The following LLGL1 variants were observed in gnomAD, a reference collection of about 807,000 sequenced individuals.
The protein encoded by LLGL1 is LLGL scribble cell polarity complex component 1.
Under a neutral mutation model 110.6 loss-of-function variants are expected in LLGL1, and 58 were observed. That is an observed-to-expected ratio of 0.52 (90% CI 0.42 to 0.65). LLGL1 has a LOEUF of 0.65. Ranked by LOEUF, LLGL1 falls within the 30% of genes least tolerant of loss-of-function variation. LLGL1 has a pLI of 0.00. For synonymous variants in LLGL1, 674 were observed against 607.2 expected (o/e 1.11, Z -1.62); for missense variants, 1,229 against 1,462.1 (o/e 0.84, Z 2.60).
chr17:18,241,170 G>A, intron 17 of LLGL1: 1 of 592,212 alleles, frequency 1.7e-6, no homozygotes, highest in East Asian at 2.8e-5. Context: ...CAGGGGCTCT[G>A]CCTCGAAAGA....
At position 18,240,454 on chromosome 17, in the gene LLGL1, A is replaced by T; in HGVS notation, c.2207-124A>T. ...CAGGAGGGAATCAGCCCTGAGTCCC[A>T]GGGTGTCATAGTTAGGAAGCAGGGC... On this transcript the variant is annotated intron_variant, in intron 16 of 22. Transcript: ENST00000316843. This position sits in a 1 kb window ranked among gnomAD's most constrained non-coding sequence, Gnocchi z 5.3. 8.4e-7 allele frequency: 1 copy of T among 1,191,574 alleles called. No homozygotes were observed. Among genetic ancestry groups the T allele is most frequent in the Non-Finnish European group, 1.2e-6 (1 of 859,214 alleles). The allele number at this position is 1,191,574 out of a possible 1,614,324, so 73.8% of individuals were successfully genotyped here.
Position 18,238,143 on chromosome 17 carries a change from C to T in LLGL1, c.1981C>T (p.Arg661Cys), listed in dbSNP as rs1379571928. 2.5e-6 allele frequency: 4 copies of T among 1,613,652 alleles called. No homozygotes were observed. Among genetic ancestry groups the T allele is most frequent in the South Asian group, 2.2e-5 (2 of 91,080 alleles). ...SRVKSLKKSL[R>C]QSFRRIRKSR... The stretch of plus-strand genomic sequence containing the variant: ...GGTGAAGTCTCTCAAGAAGTCACTG[C>T]GCCAGTCTTTCCGGCGCATTCGCAA... The change falls in exon 15 of 23, where the codon CGC becomes TGC. Residue 661 changes from arginine (R) to cysteine (C), a missense_variant. Arg to Cys is a radical substitution (Grantham distance 180). Coordinates refer to ENST00000316843, the MANE Select transcript of LLGL1 (RefSeq NM_004140.4).
At chr17:18,227,192 C>T (rs2047463778) in intron 1 of LLGL1, among the ~76,000 whole-genome samples, 1 of 152,168 alleles carries the variant, frequency 6.6e-6, no homozygotes, top group Admixed American at 6.5e-5. Context: ...CCTAGGTCTG[C>T]AGTGATTGCC....
intron 16 of LLGL1, among the ~76,000 whole-genome samples, chr17:18,239,788 G>C (rs2047784826): frequency 6.6e-6 from 1 of 152,014 alleles, no homozygotes; most frequent in Non-Finnish European, 1.5e-5. Flanking sequence ...AGACCTAGAA[G>C]AGGAGAGCCT....
chr17:18,238,687 T>C lies in LLGL1; in HGVS notation c.2206+78T>C, dbSNP rs1024361347. 6 of 1,435,818 alleles carry C rather than the reference T, an allele frequency of 4.2e-6. No homozygotes were observed. In the African/African-American group the frequency reaches 8.4e-5, roughly 20 times the overall value. The allele number at this position is 1,435,818 out of a possible 1,614,324, so 88.9% of individuals were successfully genotyped here. The stretch of plus-strand genomic sequence containing the variant: ...AATTGGCCACCTGGGAGATGGGTGG[T>C]GGCAAGGGAGGTGGTGGGACTGCAC... On this transcript the variant is annotated intron_variant, in intron 16 of 22. Coordinates refer to ENST00000316843, the MANE Select transcript of LLGL1 (RefSeq NM_004140.4).
rs2047660009 is a variant in LLGL1, at chr17:18,234,996, GCGTGCC to G, written c.1060+5_1060+10del. 2 of 1,613,670 alleles carry G rather than the reference GCGTGCC, an allele frequency of 1.2e-6. No individual in the cohort carries two copies. The highest frequency in any genetic ancestry group is 1.7e-6 in the Non-Finnish European group (2 of 1,179,986). ...GCACAGCACACGGCCCGAGGATGGT[GCGTGCC>G]CTGCCGTACCCTACCCTTTCCCAGC... On this transcript the variant is annotated splice_donor_5th_base_variant and intron_variant, in intron 9 of 22. Transcript: ENST00000316843.
intron 11 of LLGL1, 116 bp from the exon 12 acceptor site, chr17:18,236,491 G>T (rs1421236000): frequency 1.4e-5 from 14 of 1,016,292 alleles, no homozygotes; most frequent in Non-Finnish European, 2.0e-5. Flanking sequence ...GTAGGATTCC[G>T]GTCAGTGTTT....
intron 17 of LLGL1, 108 bp from the exon 18 acceptor site, chr17:18,241,343 G>A: frequency 7.1e-7 from 1 of 1,417,744 alleles, no homozygotes; most frequent in South Asian, 1.3e-5. Context: ...CACGTAGCAT[G>A]CAGCTGGGCT....
rs935982174 is a variant in LLGL1, at chr17:18,232,931, G to A, written c.392+129G>A. ...GGGCGGGATGCCTTGAGCTGGGCCT[G>A]GGTCCCAGGCTGCAGCTGTTGGACC... On this transcript the variant is annotated intron_variant, in intron 4 of 22. Transcript: ENST00000316843. 178 of 1,222,912 alleles carry A rather than the reference G, an allele frequency of 1.5e-4. 1 individual carries two copies. In the East Asian group the frequency reaches 4.1e-3, roughly 28 times the overall value. 75.8% of individuals were successfully genotyped at this position (1,222,912 alleles called of 1,614,324 possible).
chr17:18,238,647 G>T (rs777970981), intron 16 of LLGL1, 38 bp downstream of exon 16: 9 of 1,576,912 alleles, frequency 5.7e-6, no homozygotes, highest in South Asian at 4.5e-5. Context: ...GGCAAGGGTT[G>T]GGGGGGCTGG....
chr17:18,234,916 C>T lies in LLGL1; in HGVS notation c.983C>T (p.Ala328Val). The T allele has an allele frequency of 6.2e-7, 1 of 1,614,102 alleles. No individual in the cohort carries two copies. The highest frequency in any genetic ancestry group is 8.5e-7 in the Non-Finnish European group (1 of 1,180,004). The change falls in exon 9 of 23, where the codon GCC (alanine) becomes GTC (valine). Residue 328 changes from alanine (A) to valine (V), a missense_variant. By Grantham distance (64) the Ala-to-Val change is moderately conservative. Transcript: ENST00000316843. ...CGCCACTGTGTAAGTGTGCTTCGAG[C>T]CGAGACATTGGTGACGCTGGACTTC... is the stretch of plus-strand genomic sequence containing the variant. Reference protein sequence around the residue: ...GDRHCVSVLRAETLVTLDFTS... With the variant: ...GDRHCVSVLRVETLVTLDFTS...
chr17:18,235,608 G>T lies in LLGL1; in HGVS notation c.1352+71G>T, dbSNP rs541861890. ...GGGAGAGCCCATCCTGGGCCTGGTG[G>T]GTGCAGAGGTGCCAGGAGACTCAGG... On this transcript the variant is annotated intron_variant, in intron 11 of 22. Transcript: ENST00000316843. 382 of 1,465,722 alleles carry T rather than the reference G, an allele frequency of 2.6e-4. 6 individuals are homozygous for T. In the South Asian group the frequency reaches 4.5e-3, roughly 17 times the overall value. 90.8% of individuals were successfully genotyped at this position (1,465,722 alleles called of 1,614,324 possible). A position where few individuals can be genotyped will look rare whatever the true frequency, so the allele number is the denominator to read the frequency against.
At chr17:18,233,010 T>G (rs1597864000) in intron 4 of LLGL1, among the ~76,000 whole-genome samples, 1 of 152,202 alleles carries the variant, frequency 6.6e-6, no homozygotes, top group East Asian at 1.9e-4. Context: ...AGGTTTGGGT[T>G]GAGTCCGACG....
chr17:18,235,715 G>A (rs2142631958), intron 11 of LLGL1, 178 bp downstream of exon 11: 1 of 624,282 alleles, frequency 1.6e-6, no homozygotes, highest in East Asian at 2.8e-5. Context: ...GGTTCAAGGT[G>A]CTGCCCTGAT....
At position 18,244,826 on chromosome 17, in the gene LLGL1, A is replaced by AAAAT. The variant is rs1447660388; in HGVS notation, c.*922_*925dup. 5.2e-6 allele frequency: 2 copies of AAAAT among 385,628 alleles called. No homozygotes were observed. Among genetic ancestry groups the AAAAT allele is most frequent in the Non-Finnish European group, 4.6e-6 (1 of 218,568 alleles). 23.9% of individuals were successfully genotyped at this position (385,628 alleles called of 1,614,324 possible). On this transcript the variant is annotated 3_prime_UTR_variant, in exon 23 of 23. Coordinates refer to ENST00000316843, the MANE Select transcript of LLGL1 (RefSeq NM_004140.4). The stretch of plus-strand genomic sequence containing the variant: ...TAAAATTAGCGCCATTTTAATATTA[A>AAAAT]AAATACTGATTTTTAATATTGAAAA...
chr17:18,235,276 C>A lies in LLGL1; in HGVS notation c.1248C>A (p.Gly416=), dbSNP rs776471081. 4 of 1,610,316 alleles carry A rather than the reference C, an allele frequency of 2.5e-6. No individual in the cohort carries two copies. In the Admixed American group the frequency reaches 6.7e-5, roughly 27 times the overall value. The part of the protein sequence containing the change: ...AKLWARIVSA[G]EQQSPQPVSS... ...TGTGGGCCCGCATTGTGAGCGCTGG[C>A]GAGCAGCAGAGCCCCCAGCCTGTCT... Residue 416 remains glycine, a synonymous_variant, in exon 10 of 23, where the codon GGC becomes GGA. Transcript: ENST00000316843.
At position 18,240,835 on chromosome 17, in the gene LLGL1, G is replaced by A. The variant is rs998576964; in HGVS notation, c.2464G>A (p.Gly822Ser). The change falls in exon 17 of 23, where the codon GGT becomes AGT. Residue 822 changes from glycine (G) to serine (S), a missense_variant. Gly to Ser is a moderately conservative substitution (Grantham distance 56). Transcript: ENST00000316843. The surrounding 1 kb of genome is among the most constrained non-coding windows in gnomAD (Gnocchi z 5.3). Reference sequence around the variant, plus strand: ...GGCGCAGGCACCTGACATGCAGGGTGGTCACGCTGTGCTCATCGCATCTGA... The same window carrying A: ...GGCGCAGGCACCTGACATGCAGGGTAGTCACGCTGTGCTCATCGCATCTGA... ...DLAQAPDMQGGHAVLIASEEQ... is the reference protein window; with the variant it reads ...DLAQAPDMQGSHAVLIASEEQ... 1.3e-6 allele frequency: 2 copies of A among 1,562,084 alleles called. No individual in the cohort carries two copies. The highest frequency in any genetic ancestry group is 1.7e-6 in the Non-Finnish European group (2 of 1,150,116).
intron 1 of LLGL1, among the ~76,000 whole-genome samples, chr17:18,229,494 A>G (rs906592469): frequency 6.6e-6 from 1 of 152,142 alleles, no homozygotes; most frequent in African/African-American, 2.4e-5. Flanking sequence ...TGTCATGGTC[A>G]TCTTGCGGGA....
chr17:18,241,041 C>T, intron 17 of LLGL1, 168 bp downstream of exon 17: 1 of 740,710 alleles, frequency 1.4e-6, no homozygotes, highest in Non-Finnish European at 2.1e-6. Context: ...GAACTCCTAC[C>T]CAAGAACCCT....
Sources: gnomAD v4.1 joint callset for allele counts (sites outside exome capture counted in the v4.1 genomes callset) on GRCh38, gnomAD v4.1.1 for gene constraint, Gnocchi (gnomAD v3.1) non-coding constraint, MANE v1.5 for transcripts, NCBI Gene and HGNC (gene_info 2026-07-23, HGNC 2026-07-21) for gene names.